Variants in TNFRSF19 observed in about 807,000 individuals in gnomAD.
TNFRSF19 encodes the protein TNF receptor superfamily member 19.
TNFRSF19 carries 27 observed loss-of-function variants against 46.4 expected under a neutral mutation model. The ratio of observed to expected loss-of-function variants is 0.58; its 90% CI spans 0.43 to 0.80. TNFRSF19 has a LOEUF of 0.80. Ranked by LOEUF, TNFRSF19 falls within the 30% of genes least tolerant of loss-of-function variation. The pLI, the probability that TNFRSF19 is intolerant of heterozygous loss-of-function variation, is 0.00. For synonymous variants in TNFRSF19, 204 were observed against 205.0 expected, an observed-to-expected ratio of 1.00 and a Z score of 0.04; for missense variants, 511 against 530.8, an observed-to-expected ratio of 0.96 and a Z score of 0.37.
rs10693930 is a variant in TNFRSF19 at position 23,616,581 on chromosome 13, T to TTTGTTTG, written c.359+538_359+539insGTTTGTT. On this transcript the variant is annotated intron_variant, in intron 4 of 9. Coordinates refer to ENST00000248484, the MANE Select transcript of TNFRSF19 (RefSeq NM_148957.4). ...TAGGTTTTGTTTGTTTGTTTGTTTG[T>TTTGTTTG]TTTGTTTTGTTCTGTTTTGAGATGG... is the stretch of plus-strand genomic sequence containing the variant. Among the ~76,000 whole-genome samples, 217 of 110,690 alleles carry TTTGTTTG rather than the reference T, an allele frequency of 2.0e-3. 1 individual carries two copies. Among genetic ancestry groups the TTTGTTTG allele is most frequent in the Middle Eastern group, 4.5e-3 (1 of 222 alleles). The allele number at this position is 110,690 out of a possible 152,430, so 72.6% of individuals were successfully genotyped here.
Position 23,615,328 on chromosome 13 carries a change from A to G in TNFRSF19, c.181-539A>G, listed in dbSNP as rs80304288. Reference sequence around the variant, plus strand: ...CAGGAAGTTAACATCCTTTTAACAAATATGTAAGACTCTTTCTACTCTCAG... The same window carrying G: ...CAGGAAGTTAACATCCTTTTAACAAGTATGTAAGACTCTTTCTACTCTCAG... On this transcript the variant is annotated intron_variant, in intron 3 of 9. Transcript: ENST00000248484. Among the ~76,000 whole-genome samples the G allele has an allele frequency of 2.4e-3, 360 of 152,350 alleles. 1 individual carries two copies. Among genetic ancestry groups the G allele is most frequent in the African/African-American group, 8.5e-3 (353 of 41,582 alleles).
At chr13:23,667,813 C>T (rs1372594258) in intron 7 of TNFRSF19, among the ~76,000 whole-genome samples, 167 bp from the exon 8 acceptor site, 1 of 152,012 alleles carries the variant, frequency 6.6e-6, no homozygotes, top group African/African-American at 2.4e-5. Context: ...ATATAAGTGG[C>T]TCATCATTTG....
intron 1 of TNFRSF19, among the ~76,000 whole-genome samples, chr13:23,578,996 G>T (rs1285168365): frequency 6.6e-6 from 1 of 152,266 alleles, no homozygotes; most frequent in Non-Finnish European, 1.5e-5. Flanking sequence ...CCTGGCCGCC[G>T]TATCCCCTCT....
At position 23,615,973 on chromosome 13, in the gene TNFRSF19, C is replaced by A. The variant is rs748225045; in HGVS notation, c.287C>A (p.Ala96Glu). 6.2e-6 allele frequency: 10 copies of A among 1,613,856 alleles called. No homozygotes were observed. The highest frequency in any genetic ancestry group is 8.5e-6 in the Non-Finnish European group (10 of 1,179,782). ...AAATGCAAGCCCTGTCTGGACTGCG[C>A]AGTGGTGAACCGCTTTCAGAAGGCA... is the stretch of plus-strand genomic sequence containing the variant. ...FQKCKPCLDC[A>E]VVNRFQKANC... The change falls in exon 4 of 10, where the codon GCA becomes GAA. Residue 96 changes from alanine (A) to glutamate (E), a missense_variant. Transcript: ENST00000248484.
At chr13:23,579,281 G>A (rs1349980139) in intron 1 of TNFRSF19, 1 of 152,346 alleles carries the variant, frequency 6.6e-6, no homozygotes, top group Non-Finnish European at 1.5e-5. Context: ...GCCACGGCGA[G>A]AGCCGCGGTG....
intron 3 of TNFRSF19, among the ~76,000 whole-genome samples, chr13:23,608,360 A>G (rs9317875): frequency 0.27 from 41,207 of 152,188 alleles, 6,345 homozygotes; most frequent in African/African-American, 0.42. Flanking sequence ...TTCATACAGT[A>G]AGCCAGGTAC....
At chr13:23,578,003 G>T (rs534097841) in intron 1 of TNFRSF19, among the ~76,000 whole-genome samples, 1 of 152,122 alleles carries the variant, frequency 6.6e-6, no homozygotes, top group Non-Finnish European at 1.5e-5. Context: ...GGACGATGGG[G>T]GACTGCGTGA....
At chr13:23,652,400 AT>A (rs1883705084) in intron 5 of TNFRSF19, among the ~76,000 whole-genome samples, 1 of 152,218 alleles carries the variant, frequency 6.6e-6, no homozygotes. Context: ...TTGGGCATTC[AT>A]TATAAATCAG....
rs146199471 is a variant in TNFRSF19 at position 23,622,442 on chromosome 13, TA to T, written c.360-4259del. On this transcript the variant is annotated intron_variant, in intron 4 of 9. Transcript: ENST00000248484. ...AATAAACATTATTTAATTAATTAATTAAAAAATAAAAATGGTCATTCAAAAC... is the reference window on the plus strand; with the variant it reads ...AATAAACATTATTTAATTAATTAATTAAAAATAAAAATGGTCATTCAAAAC... 5.9e-3 allele frequency among the ~76,000 whole-genome samples: 899 copies of T among 152,096 alleles called. 9 individuals are homozygous for T. Among genetic ancestry groups the T allele is most frequent in the African/African-American group, 0.02 (843 of 41,494 alleles).
At chr13:23,630,546 A>T (rs1882294030) in intron 5 of TNFRSF19, among the ~76,000 whole-genome samples, 1 of 152,090 alleles carries the variant, frequency 6.6e-6, no homozygotes, top group African/African-American at 2.4e-5. Context: ...TGTGATACTG[A>T]CTGGCTGGGC....
chr13:23,615,217 G>A (rs772192416), intron 3 of TNFRSF19, among the ~76,000 whole-genome samples: 2 of 152,174 alleles, frequency 1.3e-5, no homozygotes, highest in Non-Finnish European at 2.9e-5. Flanking sequence ...AGAGCCATTT[G>A]TTTTGCCCAC....
At chr13:23,617,135 A>T (rs1881354059) in intron 4 of TNFRSF19, among the ~76,000 whole-genome samples, 1 of 152,064 alleles carries the variant, frequency 6.6e-6, no homozygotes, top group Non-Finnish European at 1.5e-5. Context: ...AGAGCACCGC[A>T]GACAGAAGGA....
rs543659804 is a variant in TNFRSF19, at chr13:23,636,194, C to G, written c.445+9402C>G. Among the ~76,000 whole-genome samples, 38 of 152,316 alleles carry G rather than the reference C, an allele frequency of 2.5e-4. No homozygotes were observed. In the South Asian group the frequency reaches 7.2e-3, roughly 29 times the overall value. On this transcript the variant is annotated intron_variant, in intron 5 of 9. Transcript: ENST00000248484. Reference sequence around the variant, plus strand: ...CCAACGGGTTATGTTATGAAATTTTCTCTTTAAATGATTTTCTGAAAAATC... The same window carrying G: ...CCAACGGGTTATGTTATGAAATTTTGTCTTTAAATGATTTTCTGAAAAATC...
At chr13:23,616,950 G>A (rs1486949818) in intron 4 of TNFRSF19, among the ~76,000 whole-genome samples, 2 of 152,142 alleles carry the variant, frequency 1.3e-5, no homozygotes, top group Non-Finnish European at 2.9e-5. Flanking sequence ...GATAGAAGAT[G>A]ATAACTGCTA....
chr13:23,633,792 T>G (rs906349175), intron 5 of TNFRSF19, among the ~76,000 whole-genome samples: 17 of 152,190 alleles, frequency 1.1e-4, no homozygotes, highest in African/African-American at 4.1e-4. Flanking sequence ...GAGGTTGCAG[T>G]GAGCCGAGAT....
chr13:23,575,853 G>A (rs911317644), intron 1 of TNFRSF19, among the ~76,000 whole-genome samples: 2 of 152,114 alleles, frequency 1.3e-5, no homozygotes, highest in Non-Finnish European at 2.9e-5. Context: ...TATTCTTTCA[G>A]GGGTTTTTCA....
In TNFRSF19 at chr13:23,570,535, G is replaced by A. The variant is rs1054318950; in HGVS notation, c.-348G>A. Reference sequence around the variant, plus strand: ...ATTGCCTCATTGCAAAAAAGAGGAGGAAAACAACGTGATCCATGTTTAACA... The same window carrying A: ...ATTGCCTCATTGCAAAAAAGAGGAGAAAAACAACGTGATCCATGTTTAACA... On this transcript the variant is annotated 5_prime_UTR_variant, in exon 1 of 10. Transcript: ENST00000248484. The A allele has an allele frequency of 3.3e-5, 5 of 152,242 alleles. No homozygotes were observed. The highest frequency in any genetic ancestry group is 1.2e-4 in the African/African-American group (5 of 41,450). 9.4% of individuals were successfully genotyped at this position (152,242 alleles called of 1,614,324 possible). A position where few individuals can be genotyped will look rare whatever the true frequency, so the allele number is the denominator to read the frequency against.
chr13:23,608,510 AC>A (rs1261322217), intron 3 of TNFRSF19, among the ~76,000 whole-genome samples: 2 of 152,196 alleles, frequency 1.3e-5, no homozygotes, highest in African/African-American at 4.8e-5. Context: ...CTAGTAAGTA[AC>A]AGTGCGGGAG....
intron 1 of TNFRSF19, among the ~76,000 whole-genome samples, chr13:23,571,868 C>T (rs1384504828): frequency 6.6e-6 from 1 of 150,526 alleles, no homozygotes. Context: ...ACTTTGTTCG[C>T]GATGTTTTTT....
Sources: gnomAD v4.1 joint callset for allele counts (sites outside exome capture counted in the v4.1 genomes callset) on GRCh38, gnomAD v4.1.1 for gene constraint, MANE v1.5 for transcripts, NCBI Gene and HGNC (gene_info 2026-07-23, HGNC 2026-07-21) for gene names.